RGS6: variants seen among roughly 807,000 people sequenced by gnomAD.
RGS6 encodes the protein regulator of G-protein signaling 6.
A neutral mutation model predicts 78.5 loss-of-function variants in RGS6; 30 were observed. The observed-to-expected ratio is 0.38, with a 90% CI of 0.29 to 0.52. The LOEUF is 0.52. Ranked by LOEUF, RGS6 falls within the 20% of genes least tolerant of loss-of-function variation. The probability of loss-of-function intolerance (pLI) is 0.85; values close to 1 mark genes in which losing one functional copy is unlikely to be tolerated. For missense variants in RGS6, 495 were observed against 609.7 expected, an observed-to-expected ratio of 0.81 and a Z score of 1.98; for synonymous variants, 206 against 206.0, an observed-to-expected ratio of 1.00 and a Z score of 0.00.
chr14:71,949,088 A>G (rs2091974604), intron 1 of RGS6, among the ~76,000 whole-genome samples: 1 of 146,792 alleles, frequency 6.8e-6, no homozygotes, highest in Non-Finnish European at 1.5e-5. Context: ...CATTTGGGAT[A>G]TTTCTAGGTT....
At chr14:72,322,328 AAT>A (rs2072315577) in intron 2 of RGS6, among the ~76,000 whole-genome samples, 1 of 152,052 alleles carries the variant, frequency 6.6e-6, no homozygotes, top group South Asian at 2.1e-4. Flanking sequence ...TTTCTAGGAA[AAT>A]ATAAAATTAC....
At chr14:72,126,715 A>C (rs1306938830) in intron 2 of RGS6, among the ~76,000 whole-genome samples, 1 of 152,230 alleles carries the variant, frequency 6.6e-6, no homozygotes, top group African/African-American at 2.4e-5. Flanking sequence ...GAAGTGGTCA[A>C]CTGTATGTAG....
intron 2 of RGS6, among the ~76,000 whole-genome samples, chr14:72,344,722 C>T (rs903363567): frequency 3.9e-5 from 6 of 152,094 alleles, no homozygotes; most frequent in Non-Finnish European, 8.8e-5. Context: ...TTAGAGCGAT[C>T]GTTGATATGG....
At chr14:72,321,597 A>G (rs1315546023) in intron 2 of RGS6, among the ~76,000 whole-genome samples, 8 of 152,064 alleles carry the variant, frequency 5.3e-5, no homozygotes, top group Non-Finnish European at 1.2e-4. Context: ...AAAAAGCATT[A>G]AACAAGAAAC....
intron 2 of RGS6, among the ~76,000 whole-genome samples, chr14:72,206,715 A>C (rs543621346): frequency 2.0e-5 from 3 of 152,122 alleles, no homozygotes; most frequent in African/African-American, 4.8e-5. Flanking sequence ...CTCATTCGCT[A>C]TCATGAGAAC....
At chr14:72,059,784 G>T (rs768391923) in intron 2 of RGS6, among the ~76,000 whole-genome samples, 5 of 152,118 alleles carry the variant, frequency 3.3e-5, no homozygotes, top group East Asian at 1.9e-4. Context: ...ACAGAGAAAA[G>T]GTCATGTAAG....
chr14:72,034,855 C>G (rs1337829658), intron 2 of RGS6, among the ~76,000 whole-genome samples: 1 of 152,078 alleles, frequency 6.6e-6, no homozygotes, highest in Non-Finnish European at 1.5e-5. Context: ...TTACCATATT[C>G]CCCTATTATC....
At chr14:72,383,213 T>TATGTATAC in intron 3 of RGS6, among the ~76,000 whole-genome samples, 1 of 118,338 alleles carries the variant, frequency 8.5e-6, no homozygotes, top group South Asian at 3.0e-4. Context: ...TATATATATA[T>TATGTATAC]ACACACAAAC....
At chr14:72,310,751 A>T (rs1473915391) in intron 2 of RGS6, among the ~76,000 whole-genome samples, 3 of 152,076 alleles carry the variant, frequency 2.0e-5, no homozygotes, top group Non-Finnish European at 4.4e-5. Context: ...AGCTCCTTCC[A>T]CCACCAGCCT....
chr14:72,268,062 T>C (rs1431355339), intron 2 of RGS6, among the ~76,000 whole-genome samples: 2 of 152,248 alleles, frequency 1.3e-5, no homozygotes, highest in African/African-American at 4.8e-5. Flanking sequence ...CTCGCAATTA[T>C]TCTACAAATG....
chr14:72,558,021 A>T (rs1251001757), intron 17 of RGS6, among the ~76,000 whole-genome samples: 2 of 152,036 alleles, frequency 1.3e-5, no homozygotes, highest in African/African-American at 4.8e-5. Flanking sequence ...ATAATTATGC[A>T]CGGTAAAATG....
At chr14:72,618,320 T>C in the RGS6 span, among the ~76,000 whole-genome samples, 1 of 152,062 alleles carries the variant, frequency 6.6e-6, no homozygotes. Flanking sequence ...ATACTGAAGG[T>C]TTCTCAAAGC....
At chr14:72,166,536 T>C (rs2096930794) in intron 2 of RGS6, among the ~76,000 whole-genome samples, 1 of 152,240 alleles carries the variant, frequency 6.6e-6, no homozygotes. Flanking sequence ...GATCTCATTA[T>C]ATGGTGACAC....
chr14:72,162,577 G>A (rs886917362), intron 2 of RGS6, among the ~76,000 whole-genome samples: 14 of 152,180 alleles, frequency 9.2e-5, no homozygotes, highest in African/African-American at 3.4e-4. Context: ...GATGTCTCAT[G>A]TTATTGAGCT....
At chr14:72,304,006 C>G (rs1230100569) in intron 2 of RGS6, among the ~76,000 whole-genome samples, 3 of 152,224 alleles carry the variant, frequency 2.0e-5, no homozygotes, top group Non-Finnish European at 4.4e-5. Flanking sequence ...TCTGGGCCTG[C>G]TGGGCCGTAC....
chr14:71,929,005 A>G (rs1247307186), upstream of RGS6, among the ~76,000 whole-genome samples: 1 of 152,216 alleles, frequency 6.6e-6, no homozygotes, highest in East Asian at 1.9e-4. Context: ...AAATAATGTT[A>G]TAATAAATTA....
chr14:72,014,040 A>G (rs2086431290), intron 2 of RGS6, among the ~76,000 whole-genome samples: 1 of 152,182 alleles, frequency 6.6e-6, no homozygotes, highest in Non-Finnish European at 1.5e-5. Flanking sequence ...TTCTGAGAAA[A>G]ATACCTAGGT....
intron 3 of RGS6, 30 bp downstream of exon 3, chr14:72,352,224 C>T: frequency 6.6e-7 from 1 of 1,525,406 alleles, no homozygotes. Flanking sequence ...GTGTTGGTAA[C>T]AGTCAGAACT....
At chr14:72,021,878 G>A (rs1186480474) in intron 2 of RGS6, among the ~76,000 whole-genome samples, 1 of 151,898 alleles carries the variant, frequency 6.6e-6, no homozygotes, top group African/African-American at 2.4e-5. Context: ...CATCAGCCAG[G>A]TGTATTAAGC....
Sources: gnomAD v4.1 joint callset for allele counts (sites outside exome capture counted in the v4.1 genomes callset) on GRCh38, gnomAD v4.1.1 for gene constraint, MANE v1.5 for transcripts, NCBI Gene and HGNC (gene_info 2026-07-23, HGNC 2026-07-21) for gene names.